Variants in CDK13 observed in about 807,000 individuals in gnomAD.
CDK13 encodes cyclin dependent kinase 13, also known as cyclin-dependent kinase 13.
Under a neutral mutation model 137.6 loss-of-function variants are expected in CDK13, and 40 were observed. That is an observed-to-expected ratio of 0.29 (90% CI 0.23 to 0.38). CDK13 has a LOEUF of 0.38. Among genes scored for constraint, CDK13 ranks in the 10% least tolerant of loss-of-function variants. The pLI, the probability that CDK13 is intolerant of heterozygous loss-of-function variation, is 1.00. For missense variants in CDK13, 1,704 were observed against 1,951.8 expected, an observed-to-expected ratio of 0.87 and a Z score of 2.39; for synonymous variants, 869 against 760.1, an observed-to-expected ratio of 1.14 and a Z score of -2.36.
chr7:40,041,918 A>C (rs1335255709), intron 5 of CDK13, among the ~76,000 whole-genome samples: 1 of 152,238 alleles, frequency 6.6e-6, no homozygotes, highest in African/African-American at 2.4e-5. Context: ...GCCACGTGAA[A>C]GAGTATGCAA....
rs1283557390 is a variant in CDK13, at chr7:40,096,093, A to G, written c.*1113A>G. On this transcript the variant is annotated 3_prime_UTR_variant, in exon 14 of 14. Transcript: ENST00000181839. Reference sequence around the variant, plus strand: ...GGTCATGGTATAGAAGCAAGAGTTAATAACAGAACTTGCCTAAATGTGTTA... The same window carrying G: ...GGTCATGGTATAGAAGCAAGAGTTAGTAACAGAACTTGCCTAAATGTGTTA... The G allele has an allele frequency of 1.3e-5, 2 of 152,210 alleles. No homozygotes were observed. The highest frequency in any genetic ancestry group is 2.9e-5 in the Non-Finnish European group (2 of 68,042). 9.4% of individuals were successfully genotyped at this position (152,210 alleles called of 1,614,324 possible).
intron 9 of CDK13, among the ~76,000 whole-genome samples, chr7:40,074,853 A>C (rs959851373): frequency 3.9e-5 from 6 of 152,032 alleles, no homozygotes; most frequent in African/African-American, 1.4e-4. Context: ...TTTAAAAAAC[A>C]AAAAGCCCGT....
At chr7:40,077,778 C>T (rs1351465567) in intron 9 of CDK13, among the ~76,000 whole-genome samples, 2 of 152,120 alleles carry the variant, frequency 1.3e-5, no homozygotes, top group Non-Finnish European at 2.9e-5. Flanking sequence ...ATCACTTGAA[C>T]CCAGGAGGCA....
chr7:40,090,499 A>G (rs1175217872), intron 12 of CDK13, among the ~76,000 whole-genome samples: 1 of 152,174 alleles, frequency 6.6e-6, no homozygotes, highest in Non-Finnish European at 1.5e-5. Context: ...GATTACAGGC[A>G]TGTGCCATCA....
At chr7:40,047,333 A>G (rs1465385090) in intron 6 of CDK13, among the ~76,000 whole-genome samples, 1 of 152,102 alleles carries the variant, frequency 6.6e-6, no homozygotes, top group Non-Finnish European at 1.5e-5. Context: ...GTTAATTTAA[A>G]TAAGGCATGG....
chr7:40,083,058 G>A (rs1343092464), intron 11 of CDK13, among the ~76,000 whole-genome samples: 2 of 149,632 alleles, frequency 1.3e-5, no homozygotes, highest in Non-Finnish European at 3.0e-5. Context: ...AGCCGAGATC[G>A]CGCCACTGCG....
At chr7:39,980,873 C>T (rs945291694) in intron 1 of CDK13, among the ~76,000 whole-genome samples, 10 of 152,142 alleles carry the variant, frequency 6.6e-5, no homozygotes, top group African/African-American at 1.7e-4. Context: ...AGTCTAACAA[C>T]GAGCACTAAC....
In CDK13 at chr7:40,042,284, T is replaced by C. The variant is rs553762199; in HGVS notation, c.2354-3552T>C. On this transcript the variant is annotated intron_variant, in intron 5 of 13. Transcript: ENST00000181839. ...TTAGTAGAGACGGGGTTTCACCATGTTGGCCAGGCTGGTCTCGAACTCCTG... is the reference window on the plus strand; with the variant it reads ...TTAGTAGAGACGGGGTTTCACCATGCTGGCCAGGCTGGTCTCGAACTCCTG... 4.6e-5 allele frequency among the ~76,000 whole-genome samples: 7 copies of C among 151,996 alleles called. No homozygotes were observed. The South Asian group carries it at 1.5e-3, about 32-fold the overall frequency.
At chr7:40,056,622 A>G (rs1436932274) in intron 7 of CDK13, among the ~76,000 whole-genome samples, 1 of 152,216 alleles carries the variant, frequency 6.6e-6, no homozygotes, top group Non-Finnish European at 1.5e-5. Flanking sequence ...TGCACTTTGG[A>G]AAGTGGTTTG....
intron 7 of CDK13, among the ~76,000 whole-genome samples, chr7:40,058,843 G>A (rs1786078655): frequency 6.6e-6 from 1 of 152,152 alleles, no homozygotes; most frequent in Non-Finnish European, 1.5e-5. Flanking sequence ...GCAATGGATT[G>A]TGAATGTCTT....
intron 5 of CDK13, among the ~76,000 whole-genome samples, chr7:40,043,600 T>G (rs1469786254): frequency 1.3e-5 from 2 of 152,226 alleles, no homozygotes; most frequent in African/African-American, 4.8e-5. Flanking sequence ...GGAGGATCTC[T>G]TGAGTCGGGG....
At chr7:40,077,892 A>C in intron 9 of CDK13, 113 bp from the exon 10 acceptor site, 4 of 532,306 alleles carry the variant, frequency 7.5e-6, no homozygotes, top group Non-Finnish European at 1.3e-5. Flanking sequence ...AAGTTTTTAT[A>C]GACCAAGGCT....
intron 5 of CDK13, among the ~76,000 whole-genome samples, chr7:40,005,071 G>A (rs1784768337): frequency 6.6e-6 from 1 of 151,888 alleles, no homozygotes; most frequent in Non-Finnish European, 1.5e-5. Flanking sequence ...CTACTCAGGA[G>A]GCTGAAGCAG....
At chr7:40,055,987 C>T (rs568775562) in intron 7 of CDK13, among the ~76,000 whole-genome samples, 2 of 152,256 alleles carry the variant, frequency 1.3e-5, no homozygotes, top group East Asian at 3.9e-4. Flanking sequence ...TAGTTTCAGT[C>T]TCTTTTACTT....
rs181751710 is a variant in CDK13, at chr7:40,085,406, T to C, written c.3030-2720T>C. Among the ~76,000 whole-genome samples, 21 of 152,150 alleles carry C rather than the reference T, an allele frequency of 1.4e-4. 1 individual carries two copies. The highest frequency in any genetic ancestry group is 5.2e-4 in the Admixed American group (8 of 15,274). The stretch of plus-strand genomic sequence containing the variant: ...AGGAAAGAAAATAATCTCTTACTTT[T>C]AAATTGTGGGAGGGAACAAAAGCCC... On this transcript the variant is annotated intron_variant, in intron 11 of 13. Coordinates refer to ENST00000181839, the MANE Select transcript of CDK13 (RefSeq NM_003718.5).
At position 39,950,315 on chromosome 7, in the gene CDK13, G is replaced by T; in HGVS notation, c.-327G>T. Reference sequence around the variant, plus strand: ...GCCAAGGCCGCTCCCCCACCCCCGGGGGCACTTGGAGGACTCGGGACTCCC... The same window carrying T: ...GCCAAGGCCGCTCCCCCACCCCCGGTGGCACTTGGAGGACTCGGGACTCCC... On this transcript the variant is annotated 5_prime_UTR_variant, in exon 1 of 14. Transcript: ENST00000181839. The T allele has an allele frequency of 5.4e-6, 6 of 1,119,254 alleles. No homozygotes were observed. Among genetic ancestry groups the T allele is most frequent in the Non-Finnish European group, 5.5e-6 (5 of 916,348 alleles). 69.3% of individuals were successfully genotyped at this position (1,119,254 alleles called of 1,614,324 possible).
intron 1 of CDK13, chr7:39,952,638 A>C (rs1358375627): frequency 6.6e-6 from 1 of 152,224 alleles, no homozygotes; most frequent in East Asian, 1.9e-4. Context: ...GGCTGAGTAC[A>C]TTCTTATACT....
intron 5 of CDK13, among the ~76,000 whole-genome samples, chr7:40,040,075 A>G (rs1390404264): frequency 6.6e-6 from 1 of 150,670 alleles, no homozygotes; most frequent in Non-Finnish European, 1.5e-5. Context: ...GCAATGGCAC[A>G]ATCTCAGCTC....
intron 5 of CDK13, among the ~76,000 whole-genome samples, chr7:40,027,598 G>A (rs1346421565): frequency 6.7e-6 from 1 of 148,170 alleles, no homozygotes; most frequent in East Asian, 2.0e-4. Flanking sequence ...TATGGTATTT[G>A]ACATGTTTTG....
Sources: allele counts gnomAD v4.1 joint callset (sites outside exome capture counted in the v4.1 genomes callset), GRCh38; gene constraint gnomAD v4.1.1; transcripts MANE v1.5; gene names NCBI Gene and HGNC (gene_info 2026-07-23, HGNC 2026-07-21).